LINGO2: variants seen among roughly 807,000 people sequenced by gnomAD.
LINGO2 encodes the protein leucine rich repeat and Ig domain containing 2.
Under a neutral mutation model 30.6 loss-of-function variants are expected in LINGO2, and 14 were observed. The observed-to-expected ratio is 0.46, with a 90% CI of 0.30 to 0.72. The LOEUF (loss-of-function observed/expected upper bound fraction) is 0.72. Among genes scored for constraint, LINGO2 ranks in the 30% least tolerant of loss-of-function variants. The pLI is 0.07. For synonymous variants in LINGO2, 317 were observed against 288.5 expected, an observed-to-expected ratio of 1.10 and a Z score of -1.00; for missense variants, 729 against 751.7, an observed-to-expected ratio of 0.97 and a Z score of 0.35.
chr9:28,498,504 G>A (rs1343552803), intron 1 of LINGO2, among the ~76,000 whole-genome samples: 1 of 152,172 alleles, frequency 6.6e-6, no homozygotes, highest in Admixed American at 6.5e-5. Context: ...AAGACCATTG[G>A]AAAGGACAGT....
chr9:28,969,120 A>C, the LINGO2 span, among the ~76,000 whole-genome samples: 3 of 152,202 alleles, frequency 2.0e-5, no homozygotes, highest in South Asian at 6.2e-4. Context: ...GTTATAGATA[A>C]ATAATAATAA....
chr9:28,123,446 C>G (rs953160079), intron 4 of LINGO2, among the ~76,000 whole-genome samples: 6 of 152,172 alleles, frequency 3.9e-5, no homozygotes, highest in Middle Eastern at 3.4e-3. Context: ...GTAAGTGTGT[C>G]CTTCTCAAGG....
chr9:28,643,253 A>G (rs192598335), intron 1 of LINGO2, among the ~76,000 whole-genome samples: 3 of 152,238 alleles, frequency 2.0e-5, no homozygotes, highest in East Asian at 3.9e-4. Flanking sequence ...CAAAAAGGAT[A>G]AAACAGGAAA....
At chr9:28,847,354 AT>A in the LINGO2 span, among the ~76,000 whole-genome samples, 1 of 147,318 alleles carries the variant, frequency 6.8e-6, no homozygotes, top group Non-Finnish European at 1.5e-5. Flanking sequence ...TCTTTGATCC[AT>A]TTTTTTTCAA....
the LINGO2 span, among the ~76,000 whole-genome samples, chr9:29,182,669 T>C: frequency 8.8e-5 from 13 of 148,540 alleles, no homozygotes; most frequent in African/African-American, 3.2e-4. Context: ...AGGAAAGAAA[T>C]GAAGAAGTAA....
At chr9:28,456,379 C>A (rs1262146630) in intron 2 of LINGO2, among the ~76,000 whole-genome samples, 2 of 152,212 alleles carry the variant, frequency 1.3e-5, no homozygotes, top group Admixed American at 6.5e-5. Flanking sequence ...CAAGACTTTT[C>A]TCCATTCTCT....
intron 1 of LINGO2, among the ~76,000 whole-genome samples, chr9:28,555,305 T>A (rs1260787236): frequency 2.1e-5 from 3 of 144,138 alleles, no homozygotes; most frequent in Non-Finnish European, 4.5e-5. Flanking sequence ...TAAAAAATGA[T>A]AAAGGGGATA....
chr9:28,924,881 C>T, the LINGO2 span, among the ~76,000 whole-genome samples: 1 of 152,132 alleles, frequency 6.6e-6, no homozygotes, highest in African/African-American at 2.4e-5. Context: ...TAGTTCTTGA[C>T]TGAAAGCCTA....
chr9:28,980,102 C>G, the LINGO2 span, among the ~76,000 whole-genome samples: 22 of 152,042 alleles, frequency 1.4e-4, no homozygotes, highest in African/African-American at 5.3e-4. Context: ...AAGGCAAATC[C>G]ATTTTCTGAA....
At chr9:28,055,074 AAT>A (rs1824861945) in intron 4 of LINGO2, among the ~76,000 whole-genome samples, 1 of 152,124 alleles carries the variant, frequency 6.6e-6, no homozygotes, top group African/African-American at 2.4e-5. Flanking sequence ...GCTAGATGGT[AAT>A]CAAAAATTTC....
chr9:28,303,089 T>C (rs1314132015), intron 3 of LINGO2, among the ~76,000 whole-genome samples: 1 of 152,206 alleles, frequency 6.6e-6, no homozygotes, highest in Non-Finnish European at 1.5e-5. Flanking sequence ...TTTCTTTCTC[T>C]ATTTCTAATA....
At chr9:28,818,948 T>C in the LINGO2 span, among the ~76,000 whole-genome samples, 2 of 152,234 alleles carry the variant, frequency 1.3e-5, no homozygotes, top group Admixed American at 1.3e-4. Context: ...ATTAAATCTT[T>C]AACCATTCAC....
chr9:28,363,066 G>C (rs1254917877), intron 3 of LINGO2, among the ~76,000 whole-genome samples: 1 of 152,132 alleles, frequency 6.6e-6, no homozygotes, highest in South Asian at 2.1e-4. Context: ...TCTACGGCAG[G>C]CCAAAACAAG....
chr9:28,019,317 A>G (rs1414875956), intron 4 of LINGO2, among the ~76,000 whole-genome samples: 5 of 6,694 alleles, frequency 7.5e-4, no homozygotes, highest in East Asian at 4.5e-3. Context: ...AGGGGAATAT[A>G]TGTTTTTTTT....
the LINGO2 span, among the ~76,000 whole-genome samples, chr9:28,732,243 G>A: frequency 6.6e-6 from 1 of 151,676 alleles, no homozygotes; most frequent in Non-Finnish European, 1.5e-5. Flanking sequence ...AACGCTCATC[G>A]AAGCCCTGGA....
At chr9:28,820,948 G>A in the LINGO2 span, among the ~76,000 whole-genome samples, 1 of 152,176 alleles carries the variant, frequency 6.6e-6, no homozygotes, top group Non-Finnish European at 1.5e-5. Flanking sequence ...TCATAAATGA[G>A]CCTTCAAGGC....
the LINGO2 span, among the ~76,000 whole-genome samples, chr9:28,727,482 G>T: frequency 6.6e-6 from 1 of 152,072 alleles, no homozygotes; most frequent in South Asian, 2.1e-4. Flanking sequence ...TAAAGACGGG[G>T]TTTCAACGTG....
At chr9:29,079,102 G>A in the LINGO2 span, among the ~76,000 whole-genome samples, 23 of 151,574 alleles carry the variant, frequency 1.5e-4, no homozygotes, top group African/African-American at 4.8e-4. Flanking sequence ...ATTCCGTCTT[G>A]TTCCTAATTT....
At chr9:28,067,198 A>AT (rs1825338586) in intron 4 of LINGO2, among the ~76,000 whole-genome samples, 1 of 152,132 alleles carries the variant, frequency 6.6e-6, no homozygotes, top group Non-Finnish European at 1.5e-5. Flanking sequence ...TTTGTGAACA[A>AT]TTATATATCA....
Sources: allele counts gnomAD v4.1 joint callset (sites outside exome capture counted in the v4.1 genomes callset), GRCh38; gene constraint gnomAD v4.1.1; transcripts MANE v1.5; gene names NCBI Gene and HGNC (gene_info 2026-07-23, HGNC 2026-07-21).